Variants in HPSE2 observed in about 807,000 individuals in gnomAD.
The protein encoded by HPSE2 is inactive heparanase-2.
Under a neutral mutation model 60.5 loss-of-function variants are expected in HPSE2, and 38 were observed. The ratio of observed to expected loss-of-function variants is 0.63; its 90% CI spans 0.48 to 0.82. The LOEUF (loss-of-function observed/expected upper bound fraction) is 0.82, where lower values mean the gene tolerates loss of function less well. Ranked by LOEUF, HPSE2 falls within the 40% of genes least tolerant of loss-of-function variation. The pLI is 0.00. For missense variants in HPSE2, 713 were observed against 740.4 expected (o/e 0.96, Z 0.43); for synonymous variants, 295 against 293.2 (o/e 1.01, Z -0.06).
intron 3 of HPSE2, among the ~76,000 whole-genome samples, chr10:98,841,584 A>G (rs1218205008): frequency 1.3e-5 from 2 of 152,182 alleles, no homozygotes; most frequent in Non-Finnish European, 2.9e-5. Flanking sequence ...TGTAGCTATA[A>G]TGCATCTTTG....
intron 3 of HPSE2, among the ~76,000 whole-genome samples, chr10:99,117,339 A>AAAC (rs1844735805): frequency 6.7e-6 from 1 of 148,962 alleles, no homozygotes. Flanking sequence ...AGAAATAACC[A>AAAC]AACTCGGAGC....
At chr10:99,305,979 G>GCACACACACACACACA in the HPSE2 span, among the ~76,000 whole-genome samples, 1,572 of 80,472 alleles carry the variant, frequency 0.02, 38 homozygotes, top group South Asian at 0.031. Context: ...GCGCGCGCGC[G>GCACACACACACACACA]CACACACACA....
At chr10:98,611,703 G>C (rs1408909020) in intron 9 of HPSE2, among the ~76,000 whole-genome samples, 1 of 152,110 alleles carries the variant, frequency 6.6e-6, no homozygotes, top group Non-Finnish European at 1.5e-5. Flanking sequence ...TTCCAGGGGA[G>C]ACTTAGGACA....
At chr10:99,033,181 T>C (rs117882530) in intron 3 of HPSE2, among the ~76,000 whole-genome samples, 1,809 of 152,288 alleles carry the variant, frequency 0.012, 17 homozygotes, top group Admixed American at 0.018. Flanking sequence ...ATATTTCTTA[T>C]TTACAAATAG....
At chr10:98,537,559 C>T (rs1042978930) in intron 9 of HPSE2, among the ~76,000 whole-genome samples, 7 of 152,062 alleles carry the variant, frequency 4.6e-5, no homozygotes, top group Non-Finnish European at 1.0e-4. Context: ...GAATAACCGG[C>T]GGGTATAGGG....
chr10:99,089,288 G>T (rs776390667), intron 3 of HPSE2, among the ~76,000 whole-genome samples: 11 of 152,152 alleles, frequency 7.2e-5, no homozygotes, highest in Non-Finnish European at 1.6e-4. Context: ...TTATCTTCTA[G>T]AATCTTTATG....
chr10:99,246,468 C>T, the HPSE2 span, among the ~76,000 whole-genome samples: 56 of 152,240 alleles, frequency 3.7e-4, no homozygotes, highest in South Asian at 0.011. Context: ...AATTTGTGGC[C>T]GTGCGTGATG....
At chr10:99,004,516 A>T (rs1400148245) in intron 3 of HPSE2, among the ~76,000 whole-genome samples, 1 of 151,846 alleles carries the variant, frequency 6.6e-6, no homozygotes, top group East Asian at 1.9e-4. Flanking sequence ...TGATTGCATT[A>T]AAAAAAACTA....
intron 3 of HPSE2, among the ~76,000 whole-genome samples, chr10:98,835,891 C>T (rs1429445240): frequency 2.0e-5 from 3 of 152,138 alleles, no homozygotes; most frequent in Admixed American, 2.0e-4. Context: ...TGAGCTCCTG[C>T]ACTAGACCCC....
intron 3 of HPSE2, among the ~76,000 whole-genome samples, chr10:99,052,803 T>A (rs369204452): frequency 3.3e-5 from 5 of 152,026 alleles, no homozygotes; most frequent in Non-Finnish European, 7.4e-5. Context: ...TAGAATTCTA[T>A]AGCTTGGTAA....
intron 9 of HPSE2, among the ~76,000 whole-genome samples, chr10:98,496,759 T>C (rs1457468717): frequency 1.3e-5 from 2 of 152,218 alleles, no homozygotes; most frequent in Non-Finnish European, 2.9e-5. Context: ...TATTCTACCA[T>C]CTTTCCAGAA....
At chr10:99,182,828 C>T (rs1847827673) in intron 2 of HPSE2, among the ~76,000 whole-genome samples, 1 of 152,060 alleles carries the variant, frequency 6.6e-6, no homozygotes, top group Non-Finnish European at 1.5e-5. Context: ...AACCCTGTCT[C>T]TACTAAAAAT....
Position 98,566,155 on chromosome 10 carries a change from C to A in HPSE2, c.1320+48749G>T, listed in dbSNP as rs914440896. ...CATTCTCTTCTTGAATCCTCACAACCCTGTGAGGCGGTTAGTGAAGGTTAT... is the reference window on the plus strand; with the variant it reads ...CATTCTCTTCTTGAATCCTCACAACACTGTGAGGCGGTTAGTGAAGGTTAT... On this transcript the variant is annotated intron_variant, in intron 9 of 11. Transcript: ENST00000370552. Among the ~76,000 whole-genome samples the A allele has an allele frequency of 2.6e-5, 4 of 152,240 alleles. No homozygotes were observed. The East Asian group carries it at 7.7e-4, about 29-fold the overall frequency.
chr10:98,622,910 A>T (rs1946111349), intron 7 of HPSE2, among the ~76,000 whole-genome samples: 1 of 152,172 alleles, frequency 6.6e-6, no homozygotes, highest in Admixed American at 6.5e-5. Context: ...TTAAATAATC[A>T]AAAGACACAT....
intron 3 of HPSE2, among the ~76,000 whole-genome samples, chr10:98,871,072 C>T (rs369857381): frequency 2.1e-4 from 32 of 152,200 alleles, no homozygotes; most frequent in African/African-American, 7.7e-4. Flanking sequence ...GAAGCAGATG[C>T]TGGTACTATG....
chr10:99,047,320 C>A (rs944172199), intron 3 of HPSE2, among the ~76,000 whole-genome samples: 50 of 152,070 alleles, frequency 3.3e-4, no homozygotes, highest in African/African-American at 1.2e-3. Context: ...CAAAAATTAA[C>A]CTAAGATGGA....
intron 2 of HPSE2, among the ~76,000 whole-genome samples, chr10:99,154,646 T>A (rs1311639459): frequency 9.2e-5 from 14 of 151,418 alleles, no homozygotes; most frequent in Non-Finnish European, 1.3e-4. Context: ...CGCTGCAAAA[T>A]CATGCCAAAA....
At chr10:98,876,865 T>C (rs1037082276) in intron 3 of HPSE2, among the ~76,000 whole-genome samples, 4 of 151,864 alleles carry the variant, frequency 2.6e-5, no homozygotes. Flanking sequence ...TTCTATGAAT[T>C]CCAAGTTCTA....
In HPSE2 at chr10:98,977,873, A is replaced by C. The variant is rs573813450; in HGVS notation, c.610+166365T>G. On this transcript the variant is annotated intron_variant, in intron 3 of 11. Coordinates refer to ENST00000370552, the MANE Select transcript of HPSE2 (RefSeq NM_021828.5). Reference sequence around the variant, plus strand: ...TGAATTTAACTCTTACAACCTAAAAATTATTTATGTATATAAATTATATAC... The same window carrying C: ...TGAATTTAACTCTTACAACCTAAAACTTATTTATGTATATAAATTATATAC... 2.6e-5 allele frequency among the ~76,000 whole-genome samples: 4 copies of C among 151,656 alleles called. No homozygotes were observed. The East Asian group carries it at 7.7e-4, about 29-fold the overall frequency.
Sources: allele counts gnomAD v4.1 joint callset (sites outside exome capture counted in the v4.1 genomes callset), GRCh38; gene constraint gnomAD v4.1.1; transcripts MANE v1.5; gene names NCBI Gene and HGNC (gene_info 2026-07-23, HGNC 2026-07-21).